Variants in CDH3 observed in about 807,000 individuals in gnomAD.
The protein encoded by CDH3 is cadherin 3, also known as cadherin-3.
Under a neutral mutation model 82.0 loss-of-function variants are expected in CDH3, and 54 were observed. The ratio of observed to expected loss-of-function variants is 0.66; its 90% CI spans 0.53 to 0.83. CDH3 has a LOEUF of 0.83. Ranked by LOEUF, CDH3 falls within the 40% of genes least tolerant of loss-of-function variation. CDH3 has a pLI of 0.00. For missense variants in CDH3, 1,054 were observed against 1,084.6 expected (o/e 0.97, Z 0.40); for synonymous variants, 446 against 437.9 (o/e 1.02, Z -0.23).
At position 68,682,402 on chromosome 16, in the gene CDH3, A is replaced by G; in HGVS notation, c.1097A>G (p.Tyr366Cys). 1.2e-6 allele frequency: 2 copies of G among 1,614,052 alleles called. No homozygotes were observed. Among genetic ancestry groups the G allele is most frequent in the Non-Finnish European group, 1.7e-6 (2 of 1,180,020 alleles). ...APNSPAWRAT[Y>C]LIMGGDDGDH... ...AACTCACCAGCGTGGCGTGCCACCTACCTTATCATGGGCGGTGACGACGGG... is the reference window on the plus strand; with the variant it reads ...AACTCACCAGCGTGGCGTGCCACCTGCCTTATCATGGGCGGTGACGACGGG... The change falls in exon 9 of 16, where the codon TAC becomes TGC. Residue 366 changes from tyrosine (Y) to cysteine (C), a missense_variant. Tyr to Cys is a radical substitution (Grantham distance 194). Transcript: ENST00000264012.
intron 2 of CDH3, among the ~76,000 whole-genome samples, chr16:68,660,914 C>A (rs3118236): frequency 5.3e-5 from 8 of 150,754 alleles, no homozygotes; most frequent in Non-Finnish European, 1.0e-4. Flanking sequence ...AGCCGAGATC[C>A]CGCCACTGCA....
In CDH3 at chr16:68,698,659, C is replaced by G. The variant is rs1268058101; in HGVS notation, c.*259C>G. 2 of 541,794 alleles carry G rather than the reference C, an allele frequency of 3.7e-6. No homozygotes were observed. Among genetic ancestry groups the G allele is most frequent in the Non-Finnish European group, 6.6e-6 (2 of 302,098 alleles). The allele number at this position is 541,794 out of a possible 1,614,324, so 33.6% of individuals were successfully genotyped here. On this transcript the variant is annotated 3_prime_UTR_variant, in exon 16 of 16. Transcript: ENST00000264012. ...GCCTCAGAGGCCAAGTTTCCAGAAG[C>G]CTCTTACCTGCCGTAAAATGCTCAA...
Position 68,680,951 on chromosome 16 carries a change from C to T in CDH3, c.868-17C>T, listed in dbSNP as rs141338577. ...AGATTAAACTCACAATGGGCTTCCC[C>T]TCTCCTTTCTCCCCAGAAAGTCCCT... is the stretch of plus-strand genomic sequence containing the variant. On this transcript the variant is annotated splice_polypyrimidine_tract_variant and intron_variant, in intron 7 of 15. Coordinates refer to ENST00000264012, the MANE Select transcript of CDH3 (RefSeq NM_001793.6). 8.9e-4 allele frequency: 1,440 copies of T among 1,613,930 alleles called. 2 individuals carry two copies. The highest frequency in any genetic ancestry group is 2.6e-3 in the Middle Eastern group (16 of 6,062).
intron 1 of CDH3, among the ~76,000 whole-genome samples, chr16:68,711,575 A>C (rs1962032071): frequency 6.6e-6 from 1 of 152,136 alleles, no homozygotes; most frequent in Non-Finnish European, 1.5e-5. Flanking sequence ...GGTTTCCCAC[A>C]GCCTCTGTTC....
downstream of CDH3, among the ~76,000 whole-genome samples, chr16:68,729,671 T>C (rs1962264075): frequency 6.6e-6 from 1 of 152,094 alleles, no homozygotes; most frequent in Non-Finnish European, 1.5e-5. Context: ...TCTCCTCTCT[T>C]GCCCGGCTGG....
intron 1 of CDH3, among the ~76,000 whole-genome samples, chr16:68,710,305 G>A (rs1444420143): frequency 6.6e-6 from 1 of 152,206 alleles, no homozygotes; most frequent in African/African-American, 2.4e-5. Context: ...GGGCTGCCCT[G>A]GCTTCCCATT....
At chr16:68,671,644 C>G (rs919342773) in intron 2 of CDH3, among the ~76,000 whole-genome samples, 1 of 151,114 alleles carries the variant, frequency 6.6e-6, no homozygotes, top group Non-Finnish European at 1.5e-5. Flanking sequence ...GCCTCAGCCT[C>G]CCGGGTAGCT....
chr16:68,728,180 TTTTGA>T, downstream of CDH3, among the ~76,000 whole-genome samples: 1 of 123,784 alleles, frequency 8.1e-6, no homozygotes, highest in Non-Finnish European at 1.8e-5. Context: ...TTTGTTTGTT[TTTTGA>T]GACGGAGTCT....
At chr16:68,695,454 A>C in intron 14 of CDH3, 69 bp downstream of exon 14, 1 of 1,506,236 alleles carries the variant, frequency 6.6e-7, no homozygotes, top group Admixed American at 2.0e-5. Context: ...CTGTTGGGTC[A>C]ACCAACTGAC....
downstream of CDH3, among the ~76,000 whole-genome samples, chr16:68,702,042 T>C (rs564724613): frequency 3.3e-5 from 5 of 151,798 alleles, no homozygotes; most frequent in African/African-American, 4.8e-5. Context: ...TATATATCTA[T>C]AGATATATCT....
chr16:68,645,551 G>A, intron 1 of CDH3, 85 bp from the exon 2 acceptor site: 1 of 1,446,980 alleles, frequency 6.9e-7, no homozygotes, highest in South Asian at 1.2e-5. Context: ...AGTCCCGGAA[G>A]GCCCGTGAGG....
intron 2 of CDH3, among the ~76,000 whole-genome samples, chr16:68,655,299 T>C (rs1035493593): frequency 1.3e-5 from 2 of 152,106 alleles, no homozygotes; most frequent in East Asian, 1.9e-4. Flanking sequence ...CAAAGCCAAT[T>C]TGAAATGGTC....
At chr16:68,668,998 A>C (rs1218456548) in intron 2 of CDH3, among the ~76,000 whole-genome samples, 3 of 152,192 alleles carry the variant, frequency 2.0e-5, no homozygotes, top group Non-Finnish European at 4.4e-5. Context: ...GCTTCTATAT[A>C]ATCATACAAT....
Position 68,665,238 on chromosome 16 carries a change from G to A in CDH3, c.161-11147G>A, listed in dbSNP as rs531586217. Reference sequence around the variant, plus strand: ...CCTGGCTAACATGGTGAAACCTCACGTCTACAAAAGATACAAAAAATTAGC... The same window carrying A: ...CCTGGCTAACATGGTGAAACCTCACATCTACAAAAGATACAAAAAATTAGC... On this transcript the variant is annotated intron_variant, in intron 2 of 15. Coordinates refer to ENST00000264012, the MANE Select transcript of CDH3 (RefSeq NM_001793.6). Among the ~76,000 whole-genome samples the A allele has an allele frequency of 1.3e-4, 19 of 151,718 alleles. No individual in the cohort carries two copies. In the East Asian group the frequency reaches 3.1e-3, roughly 25 times the overall value.
In CDH3 at chr16:68,687,530, G is replaced by T; in HGVS notation, c.1589G>T (p.Gly530Val). 5.6e-6 allele frequency: 9 copies of T among 1,614,040 alleles called. No homozygotes were observed. Among genetic ancestry groups the T allele is most frequent in the Non-Finnish European group, 7.6e-6 (9 of 1,179,986 alleles). The stretch of plus-strand genomic sequence containing the variant: ...CAAACAGGAAGCCCTCCCACCACTG[G>T]CACGGGAACCCTTCTGCTAACACTG... ...AMDNGSPPTT[G>V]TGTLLLTLID... The change falls in exon 12 of 16, where the codon GGC becomes GTC. Residue 530 changes from glycine to valine, a missense_variant. Gly to Val is a moderately radical substitution (Grantham distance 109). Transcript: ENST00000264012.
intron 2 of CDH3, among the ~76,000 whole-genome samples, chr16:68,655,038 AAAAT>A (rs56126104): frequency 0.16 from 24,920 of 151,886 alleles, 2,257 homozygotes; most frequent in Non-Finnish European, 0.21. Flanking sequence ...TCCATCTCCA[AAAAT>A]AAATAAATAC....
At chr16:68,728,322 C>T (rs1396059313), downstream of CDH3, among the ~76,000 whole-genome samples, 2 of 152,118 alleles carry the variant, frequency 1.3e-5, no homozygotes, top group Non-Finnish European at 2.9e-5. Context: ...CCCGCCACCA[C>T]GCCCAGCTAA....
chr16:68,709,759 C>T lies in CDH3; in HGVS notation c.100-12666C>T, dbSNP rs927598392. Among the ~76,000 whole-genome samples, 3 of 152,058 alleles carry T rather than the reference C, an allele frequency of 2.0e-5. No homozygotes were observed. In the East Asian group the frequency reaches 5.8e-4, roughly 29 times the overall value. ...CGCGCCTGGCCTCCTTTTTCTGTCT[C>T]CTTCATTTCTAAAGACGGCACCATC... On this transcript the variant is annotated intron_variant, in intron 1 of 2. Coordinates refer to the CDH3 transcript ENST00000569080.
intron 7 of CDH3, 116 bp downstream of exon 7, chr16:68,680,090 C>T (rs1961173087): frequency 9.9e-7 from 1 of 1,010,314 alleles, no homozygotes; most frequent in Non-Finnish European, 1.5e-6. Flanking sequence ...CAGTGAGGAC[C>T]CACGTCAGCT....
Sources: allele counts gnomAD v4.1 joint callset (sites outside exome capture counted in the v4.1 genomes callset), GRCh38; gene constraint gnomAD v4.1.1; transcripts MANE v1.5; gene names NCBI Gene and HGNC (gene_info 2026-07-23, HGNC 2026-07-21).